The following ALAS1 variants were observed in gnomAD, a reference collection of about 807,000 sequenced individuals.
ALAS1 encodes the protein 5'-aminolevulinate synthase 1.
Under a neutral mutation model 59.6 loss-of-function variants are expected in ALAS1, and 29 were observed. The observed-to-expected ratio is 0.49, with a 90% CI of 0.36 to 0.66. The LOEUF is 0.66. Ranked by LOEUF, ALAS1 falls within the 30% of genes least tolerant of loss-of-function variation. The pLI is 0.00. For missense variants in ALAS1, 690 were observed against 807.5 expected (o/e 0.85, Z 1.76); for synonymous variants, 299 against 296.6 (o/e 1.01, Z -0.08).
At chr3:52,201,103 G>A (rs1232135790) in intron 3 of ALAS1, among the ~76,000 whole-genome samples, 1 of 152,120 alleles carries the variant, frequency 6.6e-6, no homozygotes, top group Non-Finnish European at 1.5e-5. Context: ...AATGAAAACT[G>A]TATTGAGACA....
At chr3:52,200,899 G>T (rs1405793076) in intron 3 of ALAS1, among the ~76,000 whole-genome samples, 1 of 152,084 alleles carries the variant, frequency 6.6e-6, no homozygotes, top group Non-Finnish European at 1.5e-5. Context: ...TCTTTAAGCA[G>T]AAAGGATTTA....
rs1699400128 is a variant in ALAS1 at position 52,211,299 on chromosome 3, T to C, written c.1347T>C (p.Cys449=). The C allele has an allele frequency of 6.2e-6, 10 of 1,613,826 alleles. No homozygotes were observed. Among genetic ancestry groups the C allele is most frequent in the Non-Finnish European group, 6.8e-6 (8 of 1,179,856 alleles). ...TCCTCCCAGGCAAAGCCTTTGGTTG[T>C]GTTGGAGGGTACATCGCCAGCACGA... is the stretch of plus-strand genomic sequence containing the variant. The part of the protein sequence containing the change: ...ISGTLGKAFG[C]VGGYIASTSS... The change falls in exon 10 of 12, where the codon TGT becomes TGC. Residue 449 remains cysteine, a synonymous_variant. Transcript: ENST00000484952.
intron 3 of ALAS1, among the ~76,000 whole-genome samples, chr3:52,199,679 G>T (rs1355904417): frequency 6.6e-6 from 1 of 152,222 alleles, no homozygotes; most frequent in Non-Finnish European, 1.5e-5. Context: ...TTTTTGGATT[G>T]CACGTTAGTG....
At chr3:52,209,749 GC>G (rs1223076456) in intron 9 of ALAS1, among the ~76,000 whole-genome samples, 1 of 152,140 alleles carries the variant, frequency 6.6e-6, no homozygotes, top group East Asian at 1.9e-4. Context: ...TGTGATCACA[GC>G]TCATCTGCAG....
intron 9 of ALAS1, among the ~76,000 whole-genome samples, chr3:52,210,606 C>G (rs1699384847): frequency 6.6e-6 from 1 of 152,088 alleles, no homozygotes; most frequent in African/African-American, 2.4e-5. Context: ...ATGGCCTCCT[C>G]TCTACACAAA....
chr3:52,207,449 A>C (rs561210997), intron 8 of ALAS1, among the ~76,000 whole-genome samples: 2 of 150,994 alleles, frequency 1.3e-5, no homozygotes, highest in African/African-American at 4.9e-5. Flanking sequence ...TGTGTTTTTT[A>C]ATTTTCTTTT....
chr3:52,200,825 T>A (rs1699172758), intron 3 of ALAS1, among the ~76,000 whole-genome samples: 1 of 152,198 alleles, frequency 6.6e-6, no homozygotes, highest in African/African-American at 2.4e-5. Context: ...CCAGAGAATA[T>A]TTTACAGGTT....
chr3:52,200,281 A>G (rs548916747), intron 3 of ALAS1, among the ~76,000 whole-genome samples: 29 of 152,194 alleles, frequency 1.9e-4, no homozygotes, highest in Non-Finnish European at 3.7e-4. Flanking sequence ...AACTTTTTTC[A>G]TCTTCCCAAA....
Position 52,202,583 on chromosome 3 carries a change from G to A in ALAS1, c.276G>A (p.Pro92=), listed in dbSNP as rs775573851. The change falls in exon 4 of 12, where the codon CCG becomes CCA. Residue 92 remains proline (P), a synonymous_variant. Coordinates refer to ENST00000484952, the MANE Select transcript of ALAS1 (RefSeq NM_000688.6). The part of the protein sequence containing the change: ...SQQSPDGTQL[P]SGHPLPATSQ... ...AGAGTCCAGATGGCACACAGCTTCC[G>A]TCTGGACACCCCTTGCCTGCCACAA... 19 of 1,614,028 alleles carry A rather than the reference G, an allele frequency of 1.2e-5. No homozygotes were observed. The highest frequency in any genetic ancestry group is 4.4e-5 in the South Asian group (4 of 91,094).
chr3:52,202,542 C>G lies in ALAS1; in HGVS notation c.235C>G (p.Pro79Ala). ...TGCTAAGGCCAAGGTCCAACAGACT[C>G]CTGATGGATCCCAGCAGAGTCCAGA... ...KTAKAKVQQT[P>A]DGSQQSPDGT... Residue 79 changes from proline to alanine, a missense_variant, in exon 4 of 12, where the codon CCT (proline) becomes GCT (alanine). Physicochemically the swap from Pro to Ala is conservative, Grantham distance 27. Coordinates refer to ENST00000484952, the MANE Select transcript of ALAS1 (RefSeq NM_000688.6). 1 of 1,614,176 alleles carries G rather than the reference C, an allele frequency of 6.2e-7. No homozygotes were observed. Among genetic ancestry groups the G allele is most frequent in the Non-Finnish European group, 8.5e-7 (1 of 1,180,008 alleles).
chr3:52,204,095 G>A (rs1439314320), intron 5 of ALAS1, 83 bp downstream of exon 5: 6 of 1,419,656 alleles, frequency 4.2e-6, no homozygotes, highest in Non-Finnish European at 4.8e-6. Context: ...ATTGCATGGT[G>A]AGGCTGGGCA....
chr3:52,211,246 AG>A, intron 9 of ALAS1, 36 bp from the exon 10 acceptor site: 1 of 1,604,110 alleles, frequency 6.2e-7, no homozygotes, highest in Non-Finnish European at 8.5e-7. Flanking sequence ...AGCAATTTAC[AG>A]CTGTTGCTGT....
chr3:52,214,316 G>A lies in ALAS1; in HGVS notation c.*136G>A, dbSNP rs968430266. ...AACATAGTCCTGGAAATAAATTCTT[G>A]CTTAAATGGTGGTTCTTTCTGCTAT... On this transcript the variant is annotated 3_prime_UTR_variant, in exon 12 of 12. Coordinates refer to ENST00000484952, the MANE Select transcript of ALAS1 (RefSeq NM_000688.6). The A allele has an allele frequency of 1.2e-6, 1 of 862,760 alleles. No individual in the cohort carries two copies. Among genetic ancestry groups the A allele is most frequent in the Non-Finnish European group, 1.7e-6 (1 of 598,960 alleles). 53.4% of individuals were successfully genotyped at this position (862,760 alleles called of 1,614,324 possible). A position where few individuals can be genotyped will look rare whatever the true frequency, so the allele number is the denominator to read the frequency against.
In ALAS1 at chr3:52,206,586, T is replaced by G. The variant is rs1355319993; in HGVS notation, c.1000T>G (p.Ser334Ala). ...AKMMPGCEIY[S>A]DSGNHASMIQ... ...TGTTGTCTTAGGCTGTGAGATTTAC[T>G]CTGATTCTGGGAACCATGCCTCCAT... The change falls in exon 8 of 12, where the codon TCT (serine) becomes GCT (alanine). Residue 334 changes from serine (S) to alanine (A), a missense_variant. By Grantham distance (99) the Ser-to-Ala change is moderately conservative (BLOSUM62 1). Coordinates refer to ENST00000484952, the MANE Select transcript of ALAS1 (RefSeq NM_000688.6). 3.1e-6 allele frequency: 5 copies of G among 1,614,232 alleles called. No individual in the cohort carries two copies. In the East Asian group the frequency reaches 1.1e-4, roughly 36 times the overall value.
intron 3 of ALAS1, among the ~76,000 whole-genome samples, 196 bp from the exon 4 acceptor site, chr3:52,202,311 C>G (rs193022100): frequency 6.6e-6 from 1 of 152,270 alleles, no homozygotes; most frequent in Admixed American, 6.5e-5. Context: ...GATTGTGCCA[C>G]TGTACTCCAA....
In ALAS1 at chr3:52,204,735, T is replaced by C. The variant is rs1699258187; in HGVS notation, c.620T>C (p.Ile207Thr). ...TATGATCGTTTCTTTGAGAAAAAAA[T>C]TGATGAGAAAAAGAATGACCACACC... ...FQYDRFFEKK[I>T]DEKKNDHTYR... The change falls in exon 6 of 12, where the codon ATT becomes ACT. Residue 207 changes from isoleucine to threonine, a missense_variant. Coordinates refer to ENST00000484952, the MANE Select transcript of ALAS1 (RefSeq NM_000688.6). The C allele has an allele frequency of 2.5e-6, 4 of 1,614,124 alleles. No homozygotes were observed. Among genetic ancestry groups the C allele is most frequent in the South Asian group, 1.1e-5 (1 of 91,086 alleles).
chr3:52,202,447 G>A (rs758467426), intron 3 of ALAS1, 60 bp from the exon 4 acceptor site: 1 of 1,333,358 alleles, frequency 7.5e-7, no homozygotes, highest in African/African-American at 1.4e-5. Flanking sequence ...GAAATAAGTG[G>A]TTTTCTTACA....
At chr3:52,210,235 A>G (rs977092714) in intron 9 of ALAS1, among the ~76,000 whole-genome samples, 3 of 152,242 alleles carry the variant, frequency 2.0e-5, no homozygotes, top group Admixed American at 6.5e-5. Flanking sequence ...CAAAGAGCAC[A>G]TGCAGTGCAG....
In ALAS1 at chr3:52,204,013, G is replaced by T; in HGVS notation, c.577+1G>T. On this transcript the variant is annotated splice_donor_variant, in intron 5 of 11. Coordinates refer to ENST00000484952, the MANE Select transcript of ALAS1 (RefSeq NM_000688.6). LOFTEE classifies it high-confidence loss of function. The stretch of plus-strand genomic sequence containing the variant: ...CTTCTTCAAGATAACTTGCCAAAAT[G>T]TAAGTCTCATTGTTATTTGCCTGAT... 6.2e-7 allele frequency: 1 copy of T among 1,601,352 alleles called. No homozygotes were observed. The highest frequency in any genetic ancestry group is 8.5e-7 in the Non-Finnish European group (1 of 1,174,080).
Sources: allele counts gnomAD v4.1 joint callset (sites outside exome capture counted in the v4.1 genomes callset), GRCh38; gene constraint gnomAD v4.1.1; transcripts MANE v1.5; gene names NCBI Gene and HGNC (gene_info 2026-07-23, HGNC 2026-07-21).